TACC3: variants seen among roughly 807,000 people sequenced by gnomAD.
The protein encoded by TACC3 is transforming acidic coiled-coil-containing protein 3.
Under a neutral mutation model 86.0 loss-of-function variants are expected in TACC3, and 52 were observed. The observed-to-expected ratio is 0.60, with a 90% CI of 0.48 to 0.76. The LOEUF (loss-of-function observed/expected upper bound fraction) is 0.76, where lower values mean the gene tolerates loss of function less well. TACC3 is among the 30% of genes least tolerant of loss of function. TACC3 has a pLI of 0.00. For missense variants in TACC3, 1,120 were observed against 1,070.4 expected, an observed-to-expected ratio of 1.05 and a Z score of -0.65; for synonymous variants, 512 against 430.0, an observed-to-expected ratio of 1.19 and a Z score of -2.36.
chr4:1,734,421 C>T (rs945407484), intron 6 of TACC3, among the ~76,000 whole-genome samples: 1 of 152,322 alleles, frequency 6.6e-6, no homozygotes, highest in African/African-American at 2.4e-5. Context: ...CTCCTGACCT[C>T]AGGTGATCCA....
intron 6 of TACC3, among the ~76,000 whole-genome samples, chr4:1,734,620 C>T (rs1386009704): frequency 2.6e-5 from 4 of 152,218 alleles, no homozygotes; most frequent in Non-Finnish European, 2.9e-5. Context: ...TTTTAACTCT[C>T]ACAGTTAGGG....
intron 6 of TACC3, among the ~76,000 whole-genome samples, chr4:1,732,747 G>A (rs560559811): frequency 3.3e-5 from 5 of 152,298 alleles, no homozygotes; most frequent in South Asian, 2.1e-4. Flanking sequence ...CGTCTCCCTC[G>A]GGGAGGTGTG....
Position 1,737,337 on chromosome 4 carries a change from T to C in TACC3, c.1836+9T>C. 1 of 1,612,828 alleles carries C rather than the reference T, an allele frequency of 6.2e-7. No homozygotes were observed. The highest frequency in any genetic ancestry group is 8.5e-7 in the Non-Finnish European group (1 of 1,178,870). ...GAGCACTGGACATTCCTGTAAGTCCTTGAGTCCCTCTTGAACTGTCTTGTG... is the reference window on the plus strand; with the variant it reads ...GAGCACTGGACATTCCTGTAAGTCCCTGAGTCCCTCTTGAACTGTCTTGTG... On this transcript the variant is annotated intron_variant, in intron 9 of 15. Transcript: ENST00000313288.
At chr4:1,720,685 G>T (rs1204389643), upstream of TACC3, 12 of 1,551,866 alleles carry the variant, frequency 7.7e-6, no homozygotes, top group African/African-American at 1.4e-5. This position sits in a 1 kb window ranked among gnomAD's most constrained non-coding sequence, Gnocchi z 4.4. Context: ...GGCGCAAGTG[G>T]AAGGGCACGA....
chr4:1,736,568 T>C (rs1378045111), intron 8 of TACC3, among the ~76,000 whole-genome samples: 1 of 151,870 alleles, frequency 6.6e-6, no homozygotes, highest in East Asian at 2.0e-4. Context: ...ACTTTCACAC[T>C]ACAAGGCCAG....
At chr4:1,740,318 G>C (rs191740511) in intron 12 of TACC3, 2 of 502,750 alleles carry the variant, frequency 4.0e-6, no homozygotes, top group African/African-American at 1.9e-5. Flanking sequence ...CCCTGCCCTC[G>C]CCGTGCGGCT....
chr4:1,730,630 G>T (rs12641597), intron 4 of TACC3: 14 of 626,124 alleles, frequency 2.2e-5, no homozygotes, highest in African/African-American at 2.2e-4. Context: ...TGGCTGCATC[G>T]TGCTGACTTT....
At position 1,727,992 on chromosome 4, in the gene TACC3, C is replaced by CTA; in HGVS notation, c.590_591insTA (p.Ala198ThrfsTer6). The CTA allele has an allele frequency of 6.2e-7, 1 of 1,613,378 alleles. No homozygotes were observed. The highest frequency in any genetic ancestry group is 1.7e-5 in the Admixed American group (1 of 60,034). On this transcript the variant is annotated frameshift_variant, in exon 4 of 16. Transcript: ENST00000313288. LOFTEE classifies it high-confidence loss of function. ...TATTCCTTAGACAGAAGAGTGACAC[C>CTA]CGCCTCTGAGACCCTAGAAGACCCT...
chr4:1,729,082 C>G (rs1344509108), intron 4 of TACC3, among the ~76,000 whole-genome samples: 1 of 152,206 alleles, frequency 6.6e-6, no homozygotes, highest in African/African-American at 2.4e-5. Flanking sequence ...CCCTGTCCCC[C>G]AGTCATGTTC....
chr4:1,732,177 T>C (rs1027880567), intron 6 of TACC3, among the ~76,000 whole-genome samples: 11 of 152,240 alleles, frequency 7.2e-5, no homozygotes, highest in African/African-American at 2.7e-4. Context: ...GTTAAATAAA[T>C]ACGGCTTGTC....
rs1717358910 is a variant in TACC3, at chr4:1,721,553, A to G, written c.-92A>G. ...TAGAAGCGCGACGGCGGTAGCAGCTAGGCTTGGCCCCCGGCGTGGAGCAGA... is the reference window on the plus strand; with the variant it reads ...TAGAAGCGCGACGGCGGTAGCAGCTGGGCTTGGCCCCCGGCGTGGAGCAGA... On this transcript the variant is annotated 5_prime_UTR_variant, in exon 1 of 16. Coordinates refer to ENST00000313288, the MANE Select transcript of TACC3 (RefSeq NM_006342.3). 6.6e-6 allele frequency: 1 copy of G among 152,082 alleles called. No individual in the cohort carries two copies. Among genetic ancestry groups the G allele is most frequent in the African/African-American group, 2.4e-5 (1 of 41,420 alleles). 9.4% of individuals were successfully genotyped at this position (152,082 alleles called of 1,614,324 possible).
chr4:1,733,148 G>A (rs1057216446), intron 6 of TACC3, among the ~76,000 whole-genome samples: 61 of 152,010 alleles, frequency 4.0e-4, no homozygotes, highest in Admixed American at 2.0e-3. Context: ...ATCTGGTTGC[G>A]GTTTTGATTT....
At chr4:1,724,010 C>G (rs934269018) in intron 3 of TACC3, 140 bp downstream of exon 3, 13 of 959,986 alleles carry the variant, frequency 1.4e-5, no homozygotes, top group Non-Finnish European at 1.8e-5. Flanking sequence ...GCTCTGTTGC[C>G]CACGCTGGAG....
intron 6 of TACC3, 77 bp downstream of exon 6, chr4:1,731,378 C>G: frequency 6.5e-7 from 1 of 1,539,626 alleles, no homozygotes; most frequent in South Asian, 1.2e-5. Flanking sequence ...CTCGAGACAC[C>G]TGCATCATCG....
At position 1,735,950 on chromosome 4, in the gene TACC3, T is replaced by C; in HGVS notation, c.1748+116T>C. The C allele has an allele frequency of 2.6e-6, 2 of 763,992 alleles. No homozygotes were observed. Among genetic ancestry groups the C allele is most frequent in the Non-Finnish European group, 4.2e-6 (2 of 478,258 alleles). The allele number at this position is 763,992 out of a possible 1,614,324, so 47.3% of individuals were successfully genotyped here. ...TAGACCGGGGGGAGATGATCAGAAC[T>C]GGAAAGGAGCTGTGCTAGGGGTGGG... is the stretch of plus-strand genomic sequence containing the variant. On this transcript the variant is annotated intron_variant, in intron 8 of 15. Transcript: ENST00000313288. The surrounding 1 kb of genome is among the most constrained non-coding windows in gnomAD (Gnocchi z 4.2).
chr4:1,728,416 A>G lies in TACC3; in HGVS notation c.1014A>G (p.Leu338=). 16 of 1,613,518 alleles carry G rather than the reference A, an allele frequency of 9.9e-6. No individual in the cohort carries two copies. Among genetic ancestry groups the G allele is most frequent in the South Asian group, 5.5e-5 (5 of 91,086 alleles). Reference sequence around the variant, plus strand: ...CCTCGAGGAGCGGACCTGTAAAACTAGAATTTGATGTATCTGATGGCGCCA... The same window carrying G: ...CCTCGAGGAGCGGACCTGTAAAACTGGAATTTGATGTATCTGATGGCGCCA... ...ASSSRSGPVK[L]EFDVSDGATS... is the part of the protein sequence containing the mutation. Residue 338 remains leucine, a synonymous_variant, in exon 4 of 16, where the codon CTA becomes CTG. Transcript: ENST00000313288.
At position 1,723,557 on chromosome 4, in the gene TACC3, C is replaced by A. The variant is rs1212910437; in HGVS notation, c.136C>A (p.Pro46Thr). The A allele has an allele frequency of 6.2e-7, 1 of 1,613,500 alleles. No homozygotes were observed. Among genetic ancestry groups the A allele is most frequent in the Non-Finnish European group, 8.5e-7 (1 of 1,179,848 alleles). The change falls in exon 2 of 16, where the codon CCC (proline) becomes ACC (threonine). Residue 46 changes from proline to threonine, a missense_variant. Transcript: ENST00000313288. ...TGTGTCACAGAAAGAAAATGTGCCA[C>A]CCAAGAACCTGGCCAAAGCTATGAA... ...LRVSQKENVP[P>T]KNLAKAMKVT...
intron 6 of TACC3, among the ~76,000 whole-genome samples, chr4:1,734,890 C>G (rs1718177809): frequency 6.6e-6 from 1 of 152,222 alleles, no homozygotes; most frequent in African/African-American, 2.4e-5. Flanking sequence ...AAGTGATCCA[C>G]TCGCCTCAGC....
intron 1 of TACC3, chr4:1,722,975 C>T (rs1717487446): frequency 6.1e-6 from 1 of 163,068 alleles, no homozygotes; most frequent in South Asian, 1.4e-4. Flanking sequence ...TTTCTGCCCT[C>T]TACTGCCCGG....
Sources: allele counts gnomAD v4.1 joint callset (sites outside exome capture counted in the v4.1 genomes callset), GRCh38; gene constraint gnomAD v4.1.1; non-coding constraint Gnocchi (gnomAD v3.1); transcripts MANE v1.5; gene names NCBI Gene and HGNC (gene_info 2026-07-23, HGNC 2026-07-21).